The following JMJD1C variants were observed in gnomAD, a reference collection of about 807,000 sequenced individuals.
JMJD1C encodes jumonji domain-containing protein 1C.
A neutral mutation model predicts 245.3 loss-of-function variants in JMJD1C; 31 were observed. The ratio of observed to expected loss-of-function variants is 0.13; its 90% CI spans 0.09 to 0.17. The LOEUF is 0.17. JMJD1C is among the 10% of genes least tolerant of loss of function. The probability of loss-of-function intolerance (pLI) is 1.00; values close to 1 mark genes in which losing one functional copy is unlikely to be tolerated. For missense variants in JMJD1C, 2,691 were observed against 3,000.2 expected, an observed-to-expected ratio of 0.90 and a Z score of 2.41; for synonymous variants, 1,057 against 1,017.4, an observed-to-expected ratio of 1.04 and a Z score of -0.74.
At chr10:63,238,701 G>C (rs1479962177) in intron 3 of JMJD1C, among the ~76,000 whole-genome samples, 1 of 152,184 alleles carries the variant, frequency 6.6e-6, no homozygotes, top group Non-Finnish European at 1.5e-5. Context: ...ACTTTTTAAA[G>C]TGTTGGCTTC....
intron 1 of JMJD1C, among the ~76,000 whole-genome samples, chr10:63,457,050 A>G (rs1440210518): frequency 1.3e-5 from 2 of 152,202 alleles, no homozygotes; most frequent in East Asian, 3.8e-4. Flanking sequence ...CTATGTCTGC[A>G]TAGTGCTGAC....
In JMJD1C at chr10:63,406,830, A is replaced by C. The variant is rs531285499; in HGVS notation, c.169-26348T>G. Among the ~76,000 whole-genome samples the C allele has an allele frequency of 3.3e-5, 5 of 152,326 alleles. No homozygotes were observed. The South Asian group carries it at 1.0e-3, about 32-fold the overall frequency. ...ATATTCCACAGGGCTCTATCATTAC[A>C]CTTCAGTCAAGACACTTACAAAAGT... is the stretch of plus-strand genomic sequence containing the variant. On this transcript the variant is annotated intron_variant, in intron 1 of 25. Coordinates refer to ENST00000399262, the MANE Select transcript of JMJD1C (RefSeq NM_032776.3).
intron 11 of JMJD1C, among the ~76,000 whole-genome samples, chr10:63,199,459 T>C (rs1300827453): frequency 6.6e-6 from 1 of 152,174 alleles, no homozygotes; most frequent in African/African-American, 2.4e-5. Context: ...TTATCCCTAC[T>C]TTTCATACCT....
intron 2 of JMJD1C, among the ~76,000 whole-genome samples, chr10:63,315,201 G>A (rs1455110919): frequency 1.3e-5 from 2 of 152,062 alleles, no homozygotes; most frequent in South Asian, 2.1e-4. Flanking sequence ...GAAGTTTGGG[G>A]TATGAATTAT....
chr10:63,316,447 T>C (rs527317312), intron 2 of JMJD1C, among the ~76,000 whole-genome samples: 1 of 152,206 alleles, frequency 6.6e-6, no homozygotes, highest in African/African-American at 2.4e-5. Context: ...TTTTATTCTG[T>C]ATATAATATT....
At chr10:63,434,884 C>T (rs1950977848) in intron 1 of JMJD1C, among the ~76,000 whole-genome samples, 1 of 152,152 alleles carries the variant, frequency 6.6e-6, no homozygotes, top group East Asian at 1.9e-4. Context: ...TCGTAATTTA[C>T]AGGGCACTGA....
chr10:63,363,995 AC>A (rs1843586212), intron 2 of JMJD1C, among the ~76,000 whole-genome samples: 1 of 151,682 alleles, frequency 6.6e-6, no homozygotes, highest in Non-Finnish European at 1.5e-5. Context: ...AGCTGGGATT[AC>A]AGTAATGCGC....
chr10:63,378,735 T>A (rs1258248302), intron 2 of JMJD1C, among the ~76,000 whole-genome samples: 1 of 152,228 alleles, frequency 6.6e-6, no homozygotes, highest in African/African-American at 2.4e-5. Context: ...ATCTAATTAT[T>A]CATAATTTCT....
In JMJD1C at chr10:63,189,464, A is replaced by T. The variant is rs1564573510; in HGVS notation, c.6292-18T>A. 3 of 1,570,428 alleles carry T rather than the reference A, an allele frequency of 1.9e-6. No homozygotes were observed. In the Admixed American group the frequency reaches 6.2e-5, roughly 32 times the overall value. On this transcript the variant is annotated intron_variant, in intron 17 of 25. Transcript: ENST00000399262. ...TTGCTACTCTATTAAGGAAAAAACA[A>T]AACAAAAAAAACCTGTTTTTGAGAG...
In JMJD1C at chr10:63,380,361, T is replaced by C; in HGVS notation, c.290A>G (p.Gln97Arg). The C allele has an allele frequency of 6.2e-7, 1 of 1,614,116 alleles. No individual in the cohort carries two copies. Among genetic ancestry groups the C allele is most frequent in the Non-Finnish European group, 8.5e-7 (1 of 1,179,960 alleles). ...LIWAKRNDPS[Q>R]TQGSKSKQIQ... ...CTGTTTGCTCTTTGATCCCTGAGTC[T>C]GGCTAGGGTCATTCCTTTTGGCCCA... The change falls in exon 2 of 26, where the codon CAG becomes CGG. Residue 97 changes from glutamine to arginine, a missense_variant. Physicochemically the swap from Gln to Arg is conservative, Grantham distance 43. Around this residue, in one of 9 missense-constraint regions of JMJD1C, gnomAD observed 172 missense variants for 240.8 expected, o/e 0.71. Transcript: ENST00000399262.
chr10:63,429,433 T>C (rs1364412937), intron 1 of JMJD1C, among the ~76,000 whole-genome samples: 3 of 152,196 alleles, frequency 2.0e-5, no homozygotes, highest in African/African-American at 7.2e-5. Context: ...CTTTCAAACA[T>C]CTGTTTTTCT....
chr10:63,513,132 T>C (rs1954919761), intron 1 of JMJD1C, among the ~76,000 whole-genome samples: 1 of 152,204 alleles, frequency 6.6e-6, no homozygotes, highest in Non-Finnish European at 1.5e-5. Flanking sequence ...TTTTTTTTAA[T>C]TCATAGCCTA....
At chr10:63,443,066 T>C (rs191362757) in intron 1 of JMJD1C, among the ~76,000 whole-genome samples, 78 of 152,292 alleles carry the variant, frequency 5.1e-4, no homozygotes, top group African/African-American at 1.5e-3. Context: ...CCAGCAATAA[T>C]TGGGGGCTCC....
At chr10:63,382,444 G>GA (rs377279404) in intron 1 of JMJD1C, among the ~76,000 whole-genome samples, 15 of 151,780 alleles carry the variant, frequency 9.9e-5, no homozygotes, top group East Asian at 3.9e-4. Flanking sequence ...CAGAATAAAG[G>GA]AAAAAAATCA....
At chr10:63,279,522 G>A (rs1266333825) in intron 2 of JMJD1C, among the ~76,000 whole-genome samples, 1 of 152,202 alleles carries the variant, frequency 6.6e-6, no homozygotes, top group Non-Finnish European at 1.5e-5. Context: ...AGGGCCAGGG[G>A]CTCACACCAT....
intron 2 of JMJD1C, among the ~76,000 whole-genome samples, chr10:63,365,302 C>T (rs1945741225): frequency 6.6e-6 from 1 of 152,224 alleles, no homozygotes; most frequent in Non-Finnish European, 1.5e-5. Flanking sequence ...TCCTTACTCT[C>T]TATACCTCCT....
intron 3 of JMJD1C, among the ~76,000 whole-genome samples, chr10:63,255,481 G>A (rs1485186348): frequency 6.6e-6 from 1 of 152,138 alleles, no homozygotes; most frequent in East Asian, 1.9e-4. Flanking sequence ...TCTGGAGAGG[G>A]TTTAAAGGGA....
chr10:63,211,408 G>A (rs1248593024), intron 8 of JMJD1C, among the ~76,000 whole-genome samples: 2 of 149,852 alleles, frequency 1.3e-5, no homozygotes, highest in South Asian at 2.1e-4. Flanking sequence ...AGAGGTTGCA[G>A]TGAGCCAAGA....
chr10:63,405,615 G>T (rs773927604), intron 1 of JMJD1C, among the ~76,000 whole-genome samples: 8 of 152,094 alleles, frequency 5.3e-5, no homozygotes, highest in Non-Finnish European at 8.8e-5. Flanking sequence ...GAGCCACAGC[G>T]CCCAGCCCCA....
Sources: allele counts gnomAD v4.1 joint callset (sites outside exome capture counted in the v4.1 genomes callset), GRCh38; gene constraint gnomAD v4.1.1; regional missense constraint gnomAD v4.1.1; transcripts MANE v1.5; gene names NCBI Gene and HGNC (gene_info 2026-07-23, HGNC 2026-07-21).